The following BRMS1L variants were observed in gnomAD, a reference collection of about 807,000 sequenced individuals.
The protein encoded by BRMS1L is breast cancer metastasis-suppressor 1-like protein.
Under a neutral mutation model 50.3 loss-of-function variants are expected in BRMS1L, and 23 were observed. The ratio of observed to expected loss-of-function variants is 0.46; its 90% CI spans 0.33 to 0.65. The LOEUF (loss-of-function observed/expected upper bound fraction) is 0.65, where lower values mean the gene tolerates loss of function less well. Ranked by LOEUF, BRMS1L falls within the 30% of genes least tolerant of loss-of-function variation. The probability of loss-of-function intolerance (pLI) is 0.02; values close to 1 mark genes in which losing one functional copy is unlikely to be tolerated. For missense variants in BRMS1L, 286 were observed against 386.1 expected (o/e 0.74, Z 2.17); for synonymous variants, 114 against 126.9 (o/e 0.90, Z 0.69).
intron 4 of BRMS1L, among the ~76,000 whole-genome samples, chr14:35,846,113 G>A (rs2078130303): frequency 6.6e-6 from 1 of 152,184 alleles, no homozygotes; most frequent in African/African-American, 2.4e-5. Flanking sequence ...TGCGTTGGGT[G>A]CAGTGGCTCA....
chr14:35,853,858 C>T (rs1479305048), intron 4 of BRMS1L, among the ~76,000 whole-genome samples: 1 of 152,124 alleles, frequency 6.6e-6, no homozygotes, highest in African/African-American at 2.4e-5. Flanking sequence ...AAAGTTATAT[C>T]CTCTATTTCT....
chr14:35,867,766 C>G lies in BRMS1L; in HGVS notation c.728-140C>G, dbSNP rs187990474. 224 of 700,816 alleles carry G rather than the reference C, an allele frequency of 3.2e-4. 2 individuals are homozygous for G. In the East Asian group the frequency reaches 6.0e-3, roughly 19 times the overall value. 43.4% of individuals were successfully genotyped at this position (700,816 alleles called of 1,614,324 possible). ...ATGTAAGGAATAAATCTTTTTATTA[C>G]ATTTTAGGTTTGTTATTTAAGAAAT... On this transcript the variant is annotated intron_variant, in intron 8 of 9. Transcript: ENST00000216807.
rs947357417 is a variant in BRMS1L, at chr14:35,871,536, A to G, written c.*1059A>G. The G allele has an allele frequency of 3.9e-5, 6 of 152,638 alleles. No individual in the cohort carries two copies. The highest frequency in any genetic ancestry group is 5.9e-5 in the Non-Finnish European group (4 of 68,038). The allele number at this position is 152,638 out of a possible 1,614,324, so 9.5% of individuals were successfully genotyped here. ...ACAGTACAAAGAATTGAAACCCTCA[A>G]TATGGCAGCACAGCCGGCTGTAGTG... On this transcript the variant is annotated 3_prime_UTR_variant, in exon 10 of 10. Transcript: ENST00000216807.
chr14:35,834,805 C>G (rs529306370), intron 3 of BRMS1L, 39 bp from the exon 4 acceptor site: 1 of 1,367,038 alleles, frequency 7.3e-7, no homozygotes, highest in Non-Finnish European at 9.8e-7. Flanking sequence ...TGGAACTTCT[C>G]ATTGCTAACA....
intron 4 of BRMS1L, among the ~76,000 whole-genome samples, chr14:35,848,550 C>G (rs1566421589): frequency 1.3e-5 from 2 of 152,064 alleles, no homozygotes; most frequent in African/African-American, 2.4e-5. Context: ...CAGTAGATCT[C>G]CAGAGCTTAT....
At chr14:35,847,078 G>A (rs1317176009) in intron 4 of BRMS1L, among the ~76,000 whole-genome samples, 3 of 151,740 alleles carry the variant, frequency 2.0e-5, no homozygotes, top group South Asian at 2.1e-4. Context: ...GAGTTCAAGC[G>A]ATCTTCCCAC....
chr14:35,857,904 G>A (rs1392994896), intron 4 of BRMS1L, among the ~76,000 whole-genome samples: 1 of 144,152 alleles, frequency 6.9e-6, no homozygotes, highest in Non-Finnish European at 1.5e-5. Context: ...GCCTCCTAAT[G>A]CTGTTTTTTT....
intron 4 of BRMS1L, among the ~76,000 whole-genome samples, chr14:35,853,672 C>G (rs984436077): frequency 7.2e-5 from 11 of 152,152 alleles, no homozygotes; most frequent in Admixed American, 6.5e-5. Context: ...AGTGATCCTC[C>G]TGCCTCAGCC....
In BRMS1L at chr14:35,842,503, C is replaced by T. The variant is rs573717401; in HGVS notation, c.441+7580C>T. Among the ~76,000 whole-genome samples, 26 of 152,164 alleles carry T rather than the reference C, an allele frequency of 1.7e-4. No individual in the cohort carries two copies. The South Asian group carries it at 4.8e-3, about 28-fold the overall frequency. ...TTTCTTTAAGAATATTGAATATTGGCCTCCACTCTATTCTGGCCTTTAGGG... is the reference window on the plus strand; with the variant it reads ...TTTCTTTAAGAATATTGAATATTGGTCTCCACTCTATTCTGGCCTTTAGGG... On this transcript the variant is annotated intron_variant, in intron 4 of 9. Transcript: ENST00000216807.
intron 4 of BRMS1L, among the ~76,000 whole-genome samples, chr14:35,837,843 T>C (rs749433207): frequency 1.3e-5 from 2 of 152,180 alleles, no homozygotes; most frequent in Non-Finnish European, 2.9e-5. Flanking sequence ...TGAGCCACCA[T>C]GTCTGGCCCC....
chr14:35,844,125 C>T (rs987522780), intron 4 of BRMS1L, among the ~76,000 whole-genome samples: 3 of 152,300 alleles, frequency 2.0e-5, no homozygotes, highest in Non-Finnish European at 4.4e-5. Flanking sequence ...TGCTGGGCTT[C>T]ATGGGGTTGG....
rs775647215 is a variant in BRMS1L, at chr14:35,870,380, A to G, written c.875A>G (p.Asn292Ser). 1.9e-6 allele frequency: 3 copies of G among 1,602,074 alleles called. No individual in the cohort carries two copies. The Admixed American group carries it at 5.1e-5, about 27-fold the overall frequency. The change falls in exon 10 of 10, where the codon AAC (asparagine) becomes AGC (serine). Residue 292 changes from asparagine (N) to serine (S), a missense_variant. Asn to Ser is a conservative substitution (Grantham distance 46). This residue lies in a region of BRMS1L where 49 missense variants were observed against 39.1 expected (regional missense o/e 1.25). Transcript: ENST00000216807. ...CPTSAVITTI[N>S]HDEVWFKRPD... Reference sequence around the variant, plus strand: ...TTTAGTGCTGTAATTACAACAATTAACCATGATGAAGTTTGGTTTAAGAGG... The same window carrying G: ...TTTAGTGCTGTAATTACAACAATTAGCCATGATGAAGTTTGGTTTAAGAGG...
Position 35,862,365 on chromosome 14 carries a change from C to G in BRMS1L, c.442-225C>G, listed in dbSNP as rs374561348. On this transcript the variant is annotated intron_variant, in intron 4 of 9. Transcript: ENST00000216807. The stretch of plus-strand genomic sequence containing the variant: ...GTACATCAGACATAATTTAGATGCT[C>G]TTATACAGAATGTAATTGCATGTAG... Among the ~76,000 whole-genome samples, 121 of 151,946 alleles carry G rather than the reference C, an allele frequency of 8.0e-4. No homozygotes were observed. In the South Asian group the frequency reaches 0.024, roughly 30 times the overall value.
chr14:35,834,788 G>C, intron 3 of BRMS1L, 56 bp from the exon 4 acceptor site: 3 of 1,240,364 alleles, frequency 2.4e-6, no homozygotes, highest in Non-Finnish European at 3.2e-6. Flanking sequence ...CTGTAGGGAA[G>C]TGATAATGGA....
intron 4 of BRMS1L, among the ~76,000 whole-genome samples, chr14:35,856,992 G>C (rs1208315741): frequency 2.6e-5 from 4 of 151,810 alleles, no homozygotes; most frequent in African/African-American, 9.7e-5. Flanking sequence ...TGTAATCCCA[G>C]CACTTTGGGA....
At chr14:35,851,624 C>A (rs563717484) in intron 4 of BRMS1L, among the ~76,000 whole-genome samples, 1 of 152,166 alleles carries the variant, frequency 6.6e-6, no homozygotes, top group Admixed American at 6.5e-5. Context: ...AAGTGTTTTT[C>A]ATAGAAAATA....
At chr14:35,860,234 ATTCTAGT>A (rs1455704012) in intron 4 of BRMS1L, among the ~76,000 whole-genome samples, 2 of 152,006 alleles carry the variant, frequency 1.3e-5, no homozygotes, top group Non-Finnish European at 2.9e-5. Context: ...GGCTCAAGCG[ATTCTAGT>A]GCCTCAGCCT....
chr14:35,856,011 A>G (rs771506166), intron 4 of BRMS1L, among the ~76,000 whole-genome samples: 3 of 152,186 alleles, frequency 2.0e-5, no homozygotes, highest in Non-Finnish European at 4.4e-5. Context: ...GTCATTATTC[A>G]GGGCTTTTTA....
chr14:35,831,826 A>G (rs2077922977), intron 2 of BRMS1L, among the ~76,000 whole-genome samples: 1 of 152,176 alleles, frequency 6.6e-6, no homozygotes, highest in Admixed American at 6.5e-5. Flanking sequence ...AGGTTAAGGC[A>G]GGTGGATCAA....
Sources: allele counts gnomAD v4.1 joint callset (sites outside exome capture counted in the v4.1 genomes callset), GRCh38; gene constraint gnomAD v4.1.1; regional missense constraint gnomAD v4.1.1; transcripts MANE v1.5; gene names NCBI Gene and HGNC (gene_info 2026-07-23, HGNC 2026-07-21).